PCDH9: variants seen among roughly 807,000 people sequenced by gnomAD.
PCDH9 encodes the protein protocadherin 9.
In PCDH9, 24 loss-of-function variants were observed where a neutral mutation model predicts 70.6. That is an observed-to-expected ratio of 0.34 (90% CI 0.25 to 0.48). The LOEUF is 0.48. Among genes scored for constraint, PCDH9 ranks in the 20% least tolerant of loss-of-function variants. The pLI, the probability that PCDH9 is intolerant of heterozygous loss-of-function variation, is 0.99. For missense variants in PCDH9, 1,281 were observed against 1,503.6 expected (o/e 0.85, Z 2.45); for synonymous variants, 562 against 558.5 (o/e 1.01, Z -0.09).
At chr13:66,717,480 A>AAAAAAAATATAT in intron 3 of PCDH9, among the ~76,000 whole-genome samples, 1 of 44,434 alleles carries the variant, frequency 2.3e-5, no homozygotes, top group Non-Finnish European at 3.8e-5. Context: ...AAAAAAAAAA[A>AAAAAAAATATAT]ATATATATAT....
chr13:66,534,456 GT>G (rs1178890811), intron 4 of PCDH9, among the ~76,000 whole-genome samples: 2 of 152,020 alleles, frequency 1.3e-5, no homozygotes, highest in Non-Finnish European at 2.9e-5. Flanking sequence ...GTATCCCCAT[GT>G]GGCAGAAAGA....
At chr13:66,573,362 C>T (rs2076762851) in intron 4 of PCDH9, among the ~76,000 whole-genome samples, 1 of 151,270 alleles carries the variant, frequency 6.6e-6, no homozygotes, top group Non-Finnish European at 1.5e-5. Flanking sequence ...ATATTTTCTC[C>T]CACCATTCTA....
chr13:66,915,136 T>C (rs1487297494), intron 2 of PCDH9: 1 of 151,672 alleles, frequency 6.6e-6, no homozygotes, highest in African/African-American at 2.4e-5. Context: ...TATAAAACAT[T>C]TATTTTAATA....
intron 2 of PCDH9, chr13:67,203,997 T>G (rs568076748): frequency 6.6e-6 from 1 of 152,212 alleles, no homozygotes; most frequent in African/African-American, 2.4e-5. Flanking sequence ...TTAAAAAATC[T>G]TATTAAAACT....
chr13:66,841,907 T>C (rs1011437818), intron 3 of PCDH9, among the ~76,000 whole-genome samples: 7 of 152,130 alleles, frequency 4.6e-5, no homozygotes, highest in African/African-American at 1.7e-4. Flanking sequence ...AAAGTGATTA[T>C]GGGATCAGTT....
chr13:67,133,901 A>C (rs2087168551), intron 2 of PCDH9, among the ~76,000 whole-genome samples: 1 of 152,108 alleles, frequency 6.6e-6, no homozygotes. Flanking sequence ...GAAATGGGGA[A>C]AACTTCTACC....
At chr13:66,499,949 T>C (rs1594071568) in intron 4 of PCDH9, among the ~76,000 whole-genome samples, 2 of 152,218 alleles carry the variant, frequency 1.3e-5, no homozygotes. Flanking sequence ...TCCAGCATGA[T>C]TGAAAACTTA....
At chr13:66,871,323 G>A (rs1358248197) in intron 3 of PCDH9, among the ~76,000 whole-genome samples, 3 of 151,106 alleles carry the variant, frequency 2.0e-5, no homozygotes, top group Non-Finnish European at 4.4e-5. Flanking sequence ...CACCAGCATG[G>A]CACATGTATA....
intron 2 of PCDH9, chr13:67,211,329 T>C (rs921414999): frequency 6.6e-6 from 1 of 152,018 alleles, no homozygotes; most frequent in South Asian, 2.1e-4. Context: ...CCTTTTAGAT[T>C]TAGGCACCAG....
intron 2 of PCDH9, among the ~76,000 whole-genome samples, chr13:67,057,203 T>C (rs1474465934): frequency 6.6e-6 from 1 of 152,130 alleles, no homozygotes; most frequent in Non-Finnish European, 1.5e-5. Context: ...GAATTCTGAT[T>C]TGTGTTTTCA....
At chr13:66,616,643 G>A (rs2077360287) in intron 4 of PCDH9, among the ~76,000 whole-genome samples, 1 of 152,008 alleles carries the variant, frequency 6.6e-6, no homozygotes, top group African/African-American at 2.4e-5. Flanking sequence ...ATCCTGCCAA[G>A]TGATGGGAAT....
chr13:66,618,831 T>A (rs1371803183), intron 4 of PCDH9, among the ~76,000 whole-genome samples: 1 of 152,170 alleles, frequency 6.6e-6, no homozygotes, highest in Admixed American at 6.5e-5. Flanking sequence ...CTTGGAAGAA[T>A]GGATCACATG....
rs1348955005 is a variant in PCDH9 at position 66,900,691 on chromosome 13, T to A, written c.3138+2813A>T. Reference sequence around the variant, plus strand: ...ACATCAGTCTCGGTTTTATTATGTATCTAGTGTCATAATATAAATTTAAGA... The same window carrying A: ...ACATCAGTCTCGGTTTTATTATGTAACTAGTGTCATAATATAAATTTAAGA... On this transcript the variant is annotated intron_variant, in intron 3 of 4. Transcript: ENST00000377865. 4.0e-5 allele frequency among the ~76,000 whole-genome samples: 6 copies of A among 151,762 alleles called. No individual in the cohort carries two copies. The East Asian group carries it at 1.2e-3, about 29-fold the overall frequency.
rs1218790433 is a variant in PCDH9, at chr13:67,087,084, T to C, written c.3036+138321A>G. On this transcript the variant is annotated intron_variant, in intron 2 of 4. Transcript: ENST00000377865. ...CCATCAAGAAGAGAGTTTTGATGTT[T>C]TGTAAAAAAAAAAAAAAAAAAAAAA... is the stretch of plus-strand genomic sequence containing the variant. 3.3e-5 allele frequency among the ~76,000 whole-genome samples: 4 copies of C among 122,216 alleles called. No individual in the cohort carries two copies. The East Asian group carries it at 1.1e-3, about 34-fold the overall frequency. 80.2% of individuals were successfully genotyped at this position (122,216 alleles called of 152,430 possible).
chr13:66,390,237 A>AG (rs1288443062), intron 4 of PCDH9, among the ~76,000 whole-genome samples: 1 of 152,200 alleles, frequency 6.6e-6, no homozygotes, highest in Non-Finnish European at 1.5e-5. Flanking sequence ...TGATAGACTA[A>AG]GCCTGAGTTA....
intron 3 of PCDH9, among the ~76,000 whole-genome samples, chr13:66,661,518 C>T (rs1179950025): frequency 2.0e-5 from 3 of 152,096 alleles, no homozygotes; most frequent in African/African-American, 7.2e-5. Context: ...ACTGAGAGGT[C>T]CCCTGAGGTA....
intron 2 of PCDH9, among the ~76,000 whole-genome samples, chr13:67,131,000 C>T (rs1470139393): frequency 6.6e-6 from 1 of 152,026 alleles, no homozygotes; most frequent in Non-Finnish European, 1.5e-5. Flanking sequence ...TACTCTAATG[C>T]CCTTTTCAGT....
intron 4 of PCDH9, among the ~76,000 whole-genome samples, chr13:66,422,599 G>A (rs565130511): frequency 6.6e-6 from 1 of 152,194 alleles, no homozygotes; most frequent in Admixed American, 6.5e-5. Flanking sequence ...TAAGTTCTTT[G>A]AAACCAATGA....
At chr13:66,372,504 A>G (rs1224661773) in intron 4 of PCDH9, among the ~76,000 whole-genome samples, 2 of 151,708 alleles carry the variant, frequency 1.3e-5, no homozygotes, top group African/African-American at 4.8e-5. Flanking sequence ...GTGAAGGGAA[A>G]TGGTAGAAGC....
Sources: allele counts gnomAD v4.1 joint callset (sites outside exome capture counted in the v4.1 genomes callset), GRCh38; gene constraint gnomAD v4.1.1; transcripts MANE v1.5; gene names NCBI Gene and HGNC (gene_info 2026-07-23, HGNC 2026-07-21).